The following OTUD7A variants were observed in gnomAD, a reference collection of about 807,000 sequenced individuals.
OTUD7A encodes the protein OTU domain-containing protein 7A.
A neutral mutation model predicts 65.7 loss-of-function variants in OTUD7A; 12 were observed. The ratio of observed to expected loss-of-function variants is 0.18; its 90% CI spans 0.12 to 0.30. OTUD7A has a LOEUF of 0.30. Ranked by LOEUF, OTUD7A falls within the 10% of genes least tolerant of loss-of-function variation. OTUD7A has a pLI of 1.00. For synonymous variants in OTUD7A, 641 were observed against 586.3 expected, an observed-to-expected ratio of 1.09 and a Z score of -1.35; for missense variants, 1,148 against 1,304.8, an observed-to-expected ratio of 0.88 and a Z score of 1.85.
chr15:31,490,655 G>A (rs1019267271), intron 10 of OTUD7A, among the ~76,000 whole-genome samples: 1 of 152,160 alleles, frequency 6.6e-6, no homozygotes, highest in Non-Finnish European at 1.5e-5. Flanking sequence ...ATTGGTAAAG[G>A]AACAGTATCA....
chr15:31,769,994 T>A (rs1895192351), intron 1 of OTUD7A, among the ~76,000 whole-genome samples: 1 of 152,100 alleles, frequency 6.6e-6, no homozygotes. Flanking sequence ...AATGTAACTA[T>A]ATTAGAAAAG....
chr15:31,600,402 G>A (rs1209186867), intron 3 of OTUD7A, among the ~76,000 whole-genome samples: 1 of 152,120 alleles, frequency 6.6e-6, no homozygotes, highest in Non-Finnish European at 1.5e-5. Flanking sequence ...TTACAGACAG[G>A]CAAATGCTGA....
At position 31,748,413 on chromosome 15, in the gene OTUD7A, TTA is replaced by T. The variant is rs1056293473; in HGVS notation, c.-99-91338_-99-91337del. On this transcript the variant is annotated intron_variant, in intron 1 of 12. Transcript: ENST00000307050. ...AACACACATAACTATTATATATATTTTATATATATGACACACCATATATATAA... is the reference window on the plus strand; with the variant it reads ...AACACACATAACTATTATATATATTTTATATATGACACACCATATATATAA... 7.9e-5 allele frequency among the ~76,000 whole-genome samples: 12 copies of T among 151,268 alleles called. No individual in the cohort carries two copies. The East Asian group carries it at 9.7e-4, about 12-fold the overall frequency.
chr15:31,697,559 A>C (rs1312590936), intron 1 of OTUD7A, among the ~76,000 whole-genome samples: 1 of 149,778 alleles, frequency 6.7e-6, no homozygotes, highest in East Asian at 2.0e-4. Context: ...TGAGACTTAG[A>C]GCTACTTGGG....
chr15:31,664,296 C>A (rs1417358120), intron 1 of OTUD7A, among the ~76,000 whole-genome samples: 1 of 93,488 alleles, frequency 1.1e-5, no homozygotes. Context: ...CCAGAACATT[C>A]CCTGTTCACC....
intron 1 of OTUD7A, among the ~76,000 whole-genome samples, chr15:31,737,032 G>C (rs1331114807): frequency 2.0e-5 from 3 of 152,080 alleles, no homozygotes; most frequent in African/African-American, 7.2e-5. Flanking sequence ...GTGTTGCCCA[G>C]GCTGGTCTTG....
Position 31,745,251 on chromosome 15 carries a change from G to GA in OTUD7A, c.-99-88175dup, listed in dbSNP as rs1894445376. Among the ~76,000 whole-genome samples, 4 of 151,762 alleles carry GA rather than the reference G, an allele frequency of 2.6e-5. No individual in the cohort carries two copies. In the South Asian group the frequency reaches 8.4e-4, roughly 32 times the overall value. ...GATCTAGAAGAGCCAAAATTATCTA[G>GA]AAAAATATAAAGCTGGAAGCATTCC... On this transcript the variant is annotated intron_variant, in intron 1 of 12. Coordinates refer to ENST00000307050, the MANE Select transcript of OTUD7A (RefSeq NM_001382637.1).
intron 3 of OTUD7A, among the ~76,000 whole-genome samples, chr15:31,607,662 T>C (rs989453179): frequency 2.0e-5 from 3 of 152,198 alleles, no homozygotes; most frequent in African/African-American, 7.2e-5. Context: ...GTGCAATGTA[T>C]TACCTTTTCT....
At chr15:31,844,674 C>T (rs1439318633) in intron 1 of OTUD7A, among the ~76,000 whole-genome samples, 1 of 152,172 alleles carries the variant, frequency 6.6e-6, no homozygotes, top group East Asian at 1.9e-4. Context: ...AGTAACGTGT[C>T]CCTCAAAAGG....
intron 1 of OTUD7A, among the ~76,000 whole-genome samples, chr15:31,828,592 T>C (rs1177927077): frequency 6.6e-6 from 1 of 152,216 alleles, no homozygotes; most frequent in Non-Finnish European, 1.5e-5. Flanking sequence ...CAGGCCTTAG[T>C]CATCTTTGAG....
intron 1 of OTUD7A, among the ~76,000 whole-genome samples, chr15:31,688,951 A>G (rs1892903264): frequency 6.6e-6 from 1 of 152,216 alleles, no homozygotes; most frequent in South Asian, 2.1e-4. Flanking sequence ...GCTCTCAGTC[A>G]GATTAAAATT....
intron 1 of OTUD7A, among the ~76,000 whole-genome samples, chr15:31,709,758 C>T (rs1375078184): frequency 6.6e-6 from 1 of 151,986 alleles, no homozygotes; most frequent in Non-Finnish European, 1.5e-5. Flanking sequence ...TGAAAGAGGA[C>T]TGTGCAGCTG....
At chr15:31,523,798 G>C (rs2041971100) in intron 8 of OTUD7A, among the ~76,000 whole-genome samples, 2 of 152,228 alleles carry the variant, frequency 1.3e-5, no homozygotes, top group Non-Finnish European at 2.9e-5. Context: ...AGAAGACACA[G>C]GCAAAAGGCA....
At chr15:31,816,950 A>C (rs1896565719) in intron 1 of OTUD7A, among the ~76,000 whole-genome samples, 1 of 152,182 alleles carries the variant, frequency 6.6e-6, no homozygotes, top group Admixed American at 6.5e-5. Context: ...AAGAAAGGCA[A>C]ACTAATAAAG....
chr15:31,491,564 G>A (rs1253326229), intron 10 of OTUD7A, among the ~76,000 whole-genome samples: 1 of 152,078 alleles, frequency 6.6e-6, no homozygotes, highest in Non-Finnish European at 1.5e-5. Context: ...CCAGAAGAGG[G>A]AAAGAACAAT....
At chr15:31,673,408 C>A (rs1172076335) in intron 1 of OTUD7A, among the ~76,000 whole-genome samples, 1 of 152,206 alleles carries the variant, frequency 6.6e-6, no homozygotes, top group Non-Finnish European at 1.5e-5. Context: ...AATCTTGCAA[C>A]AGTGTAATGT....
At chr15:31,735,604 T>C (rs1200727447) in intron 1 of OTUD7A, among the ~76,000 whole-genome samples, 1 of 152,054 alleles carries the variant, frequency 6.6e-6, no homozygotes, top group Non-Finnish European at 1.5e-5. Flanking sequence ...ATTTATACAT[T>C]GCTGGTAGGA....
At chr15:31,741,388 G>A (rs559811530) in intron 1 of OTUD7A, among the ~76,000 whole-genome samples, 1 of 152,234 alleles carries the variant, frequency 6.6e-6, no homozygotes, top group East Asian at 1.9e-4. Context: ...GTGCAGGTTT[G>A]ATACATAGGC....
At chr15:31,618,781 T>G (rs567636194) in intron 3 of OTUD7A, among the ~76,000 whole-genome samples, 344 of 152,330 alleles carry the variant, frequency 2.3e-3, no homozygotes, top group Non-Finnish European at 3.9e-3. Flanking sequence ...TTAGTTTAAT[T>G]AGATCCCATT....
Sources: allele counts gnomAD v4.1 joint callset (sites outside exome capture counted in the v4.1 genomes callset), GRCh38; gene constraint gnomAD v4.1.1; transcripts MANE v1.5; gene names NCBI Gene and HGNC (gene_info 2026-07-23, HGNC 2026-07-21).